The following FER variants were observed in gnomAD, a reference collection of about 807,000 sequenced individuals.
The protein encoded by FER is FER tyrosine kinase.
A neutral mutation model predicts 111.0 loss-of-function variants in FER; 63 were observed. The observed-to-expected ratio is 0.57, with a 90% CI of 0.46 to 0.70. FER has a LOEUF of 0.70. FER is among the 30% of genes least tolerant of loss of function. The pLI, the probability that FER is intolerant of heterozygous loss-of-function variation, is 0.00. For missense variants in FER, 914 were observed against 954.0 expected (o/e 0.96, Z 0.55); for synonymous variants, 327 against 313.9 (o/e 1.04, Z -0.44).
intron 13 of FER, among the ~76,000 whole-genome samples, chr5:108,997,208 A>G (rs553807915): frequency 6.6e-6 from 1 of 150,764 alleles, no homozygotes; most frequent in Admixed American, 6.6e-5. Context: ...GATCGAGACC[A>G]TCCTGGCTAA....
chr5:108,873,880 C>G (rs2150253718), intron 8 of FER, among the ~76,000 whole-genome samples: 1 of 152,124 alleles, frequency 6.6e-6, no homozygotes, highest in East Asian at 1.9e-4. Context: ...GGCTGAGAGA[C>G]TCTGCTTTAA....
chr5:109,136,856 A>C (rs188427988), intron 17 of FER, among the ~76,000 whole-genome samples: 1 of 152,262 alleles, frequency 6.6e-6, no homozygotes, highest in East Asian at 1.9e-4. Flanking sequence ...CCACTATGGC[A>C]TTTGTATAAA....
intron 3 of FER, among the ~76,000 whole-genome samples, chr5:108,806,118 G>T (rs867335570): frequency 1.3e-5 from 2 of 152,164 alleles, no homozygotes; most frequent in African/African-American, 4.8e-5. Flanking sequence ...CATCCTAGCC[G>T]CTCCAGCCGT....
At chr5:108,883,230 A>C (rs1409852811) in intron 8 of FER, among the ~76,000 whole-genome samples, 166 bp from the exon 9 acceptor site, 1 of 152,014 alleles carries the variant, frequency 6.6e-6, no homozygotes, top group Non-Finnish European at 1.5e-5. Flanking sequence ...TAGCACCTGA[A>C]ATGTGTCTAA....
intron 3 of FER, among the ~76,000 whole-genome samples, chr5:108,816,871 G>A (rs1758334295): frequency 6.6e-6 from 1 of 152,038 alleles, no homozygotes; most frequent in Non-Finnish European, 1.5e-5. Context: ...GGAGGCTGAG[G>A]TGGGCAGATC....
chr5:108,751,219 A>C (rs1726563217), intron 1 of FER, among the ~76,000 whole-genome samples: 1 of 152,090 alleles, frequency 6.6e-6, no homozygotes, highest in African/African-American at 2.4e-5. Context: ...AACAAACAAA[A>C]AAACCACAAA....
At chr5:109,016,353 T>G (rs1581664799) in intron 13 of FER, among the ~76,000 whole-genome samples, 1 of 152,164 alleles carries the variant, frequency 6.6e-6, no homozygotes, top group South Asian at 2.1e-4. Flanking sequence ...AGTTCAAGAT[T>G]GTCTTTGTTG....
At chr5:108,890,399 A>C (rs1368747032) in intron 9 of FER, among the ~76,000 whole-genome samples, 2 of 152,032 alleles carry the variant, frequency 1.3e-5, no homozygotes, top group African/African-American at 4.8e-5. Flanking sequence ...GAAAGTATGT[A>C]ATGAGGTGTT....
In FER at chr5:108,892,698, T is replaced by A. The variant is rs185439628; in HGVS notation, c.1047-4961T>A. The stretch of plus-strand genomic sequence containing the variant: ...TAGATCCCGTTTGTCAATTTTGGCT[T>A]TTGTTGCCATTTCTTTTGGTGTTCT... On this transcript the variant is annotated intron_variant, in intron 9 of 19. Coordinates refer to ENST00000281092, the MANE Select transcript of FER (RefSeq NM_005246.4). 2.9e-4 allele frequency among the ~76,000 whole-genome samples: 44 copies of A among 152,332 alleles called. 2 individuals carry two copies. The East Asian group carries it at 8.3e-3, about 29-fold the overall frequency.
At chr5:109,147,790 TATATATATATAGAGAGAG>T (rs1036087282) in intron 17 of FER, among the ~76,000 whole-genome samples, 10 of 133,040 alleles carry the variant, frequency 7.5e-5, no homozygotes, top group East Asian at 2.1e-4. Context: ...CATATATATA[TATATATATATAGAGAGAG>T]AGAGAGAGAG....
At chr5:108,884,512 G>GTTTTTTTTTTTTTTT (rs776345488) in intron 9 of FER, among the ~76,000 whole-genome samples, 7 of 144,532 alleles carry the variant, frequency 4.8e-5, no homozygotes, top group African/African-American at 7.7e-5. Context: ...CTTATGCCTG[G>GTTTTTTTTTTTTTTT]TTTTTTTTTT....
At chr5:109,027,371 ACTT>A (rs1420476938) in intron 13 of FER, among the ~76,000 whole-genome samples, 1 of 152,208 alleles carries the variant, frequency 6.6e-6, no homozygotes, top group Non-Finnish European at 1.5e-5. Flanking sequence ...TAAAAATATA[ACTT>A]CAGTCACATG....
At chr5:108,871,624 ATTAAT>A (rs1580981309) in intron 7 of FER, 122 bp downstream of exon 7, 4 of 653,106 alleles carry the variant, frequency 6.1e-6, no homozygotes, top group Non-Finnish European at 7.0e-6. Flanking sequence ...AATATTTCAT[ATTAAT>A]TTATCTGCTT....
At chr5:108,938,115 A>G (rs1308011264) in intron 10 of FER, among the ~76,000 whole-genome samples, 1 of 150,810 alleles carries the variant, frequency 6.6e-6, no homozygotes, top group Non-Finnish European at 1.5e-5. Context: ...TTGAGAAGGG[A>G]TGGTTGACAG....
chr5:108,872,915 C>T (rs1050853640), intron 8 of FER, among the ~76,000 whole-genome samples: 1 of 152,108 alleles, frequency 6.6e-6, no homozygotes, highest in Non-Finnish European at 1.5e-5. Flanking sequence ...AGAACCACAG[C>T]TATAAATGAT....
chr5:108,794,697 A>G (rs1017778440), intron 2 of FER, among the ~76,000 whole-genome samples: 16 of 151,396 alleles, frequency 1.1e-4, no homozygotes, highest in African/African-American at 3.4e-4. Flanking sequence ...CAGCACTTCA[A>G]ATATTTCATG....
At chr5:108,837,312 T>G (rs1388171386) in intron 5 of FER, among the ~76,000 whole-genome samples, 1 of 152,218 alleles carries the variant, frequency 6.6e-6, no homozygotes. Flanking sequence ...GAGCTTACAG[T>G]CTGGTTCACT....
chr5:108,910,675 C>T (rs1241473654), intron 10 of FER, among the ~76,000 whole-genome samples: 1 of 151,900 alleles, frequency 6.6e-6, no homozygotes, highest in Non-Finnish European at 1.5e-5. Context: ...CTATTATTTT[C>T]AGCTTTATGT....
intron 5 of FER, among the ~76,000 whole-genome samples, chr5:108,844,516 C>G (rs1185753121): frequency 2.0e-5 from 3 of 152,062 alleles, no homozygotes; most frequent in South Asian, 2.1e-4. Flanking sequence ...ACAGACAGCA[C>G]CTATTTAAAA....
Sources: gnomAD v4.1 joint callset for allele counts (sites outside exome capture counted in the v4.1 genomes callset) on GRCh38, gnomAD v4.1.1 for gene constraint, MANE v1.5 for transcripts, NCBI Gene and HGNC (gene_info 2026-07-23, HGNC 2026-07-21) for gene names.